The following UNC5C variants were observed in gnomAD, a reference collection of about 807,000 sequenced individuals.
UNC5C encodes unc-5 netrin receptor C.
Under a neutral mutation model 99.8 loss-of-function variants are expected in UNC5C, and 47 were observed. The ratio of observed to expected loss-of-function variants is 0.47; its 90% CI spans 0.37 to 0.60. The LOEUF (loss-of-function observed/expected upper bound fraction) is 0.60, where lower values mean the gene tolerates loss of function less well. UNC5C is among the 20% of genes least tolerant of loss of function. The probability of loss-of-function intolerance (pLI) is 0.00; values close to 1 mark genes in which losing one functional copy is unlikely to be tolerated. For missense variants in UNC5C, 1,062 were observed against 1,165.9 expected (o/e 0.91, Z 1.30); for synonymous variants, 487 against 452.2 (o/e 1.08, Z -0.98).
chr4:95,446,052 G>A (rs925403278), intron 1 of UNC5C, among the ~76,000 whole-genome samples: 2 of 152,102 alleles, frequency 1.3e-5, no homozygotes, highest in Non-Finnish European at 1.5e-5. Flanking sequence ...AAAGTACCTA[G>A]AATAAAGGAA....
chr4:95,288,063 A>ATTATTTATTTATTTATTTAT (rs373317999), intron 3 of UNC5C, among the ~76,000 whole-genome samples: 5,197 of 143,186 alleles, frequency 0.036, 131 homozygotes, highest in Non-Finnish European at 0.04. Flanking sequence ...CACTTTACAG[A>ATTATTTATTTATTTATTTAT]TTATTTATTT....
intron 4 of UNC5C, among the ~76,000 whole-genome samples, chr4:95,274,469 G>A (rs1003572640): frequency 2.6e-5 from 4 of 152,160 alleles, no homozygotes; most frequent in African/African-American, 9.7e-5. Context: ...GAAGGAGCAG[G>A]CAAGTCTAGA....
intron 1 of UNC5C, among the ~76,000 whole-genome samples, chr4:95,488,050 C>T (rs546136203): frequency 6.6e-6 from 1 of 151,782 alleles, no homozygotes; most frequent in African/African-American, 2.4e-5. Flanking sequence ...TTTCACCTTC[C>T]TTTGGTTAAC....
intron 1 of UNC5C, among the ~76,000 whole-genome samples, chr4:95,511,232 G>T (rs1366918330): frequency 6.6e-6 from 1 of 152,040 alleles, no homozygotes; most frequent in Non-Finnish European, 1.5e-5. Flanking sequence ...CACCACAAAG[G>T]AGAGTTTAGC....
chr4:95,539,908 T>A (rs1345411708), intron 1 of UNC5C, among the ~76,000 whole-genome samples: 3 of 149,748 alleles, frequency 2.0e-5, no homozygotes, highest in Non-Finnish European at 4.4e-5. Context: ...CCAAAACTTA[T>A]CCTAGCCATC....
intron 11 of UNC5C, among the ~76,000 whole-genome samples, chr4:95,203,828 C>T (rs1375312405): frequency 6.6e-6 from 1 of 152,096 alleles, no homozygotes; most frequent in African/African-American, 2.4e-5. Context: ...TATGTGAAAG[C>T]AGGATTTTGC....
intron 2 of UNC5C, among the ~76,000 whole-genome samples, chr4:95,315,489 T>G (rs1351275023): frequency 6.6e-6 from 1 of 152,228 alleles, no homozygotes; most frequent in Non-Finnish European, 1.5e-5. Flanking sequence ...GACATTTATG[T>G]AACTGTATAA....
At chr4:95,327,481 G>A (rs1316502926) in intron 2 of UNC5C, among the ~76,000 whole-genome samples, 4 of 151,840 alleles carry the variant, frequency 2.6e-5, no homozygotes, top group Admixed American at 6.6e-5. Flanking sequence ...CTTGTTATAT[G>A]TTTCTCCAGA....
At position 95,476,512 on chromosome 4, in the gene UNC5C, G is replaced by T. The variant is rs185785348; in HGVS notation, c.124+72222C>A. ...TAAAATATAACTTTTTAGAACTGGG[G>T]TGTCCTTTAGTTTTTTTCGGAGAAG... On this transcript the variant is annotated intron_variant, in intron 1 of 15. Transcript: ENST00000453304. Among the ~76,000 whole-genome samples, 371 of 152,126 alleles carry T rather than the reference G, an allele frequency of 2.4e-3. 2 individuals carry two copies. Among genetic ancestry groups the T allele is most frequent in the South Asian group, 0.012 (57 of 4,828 alleles).
intron 1 of UNC5C, among the ~76,000 whole-genome samples, chr4:95,448,260 G>C (rs191868882): frequency 0.012 from 1,733 of 149,962 alleles, 34 homozygotes; most frequent in African/African-American, 0.041. Context: ...GAGAGAGAGA[G>C]AGAAAGCCTG....
At chr4:95,261,105 G>C (rs1333092600) in intron 4 of UNC5C, among the ~76,000 whole-genome samples, 1 of 152,162 alleles carries the variant, frequency 6.6e-6, no homozygotes, top group Non-Finnish European at 1.5e-5. Context: ...CAGTGCTACA[G>C]ACTTCAGCCT....
intron 1 of UNC5C, among the ~76,000 whole-genome samples, chr4:95,457,654 A>C (rs759774414): frequency 2.6e-5 from 4 of 152,116 alleles, no homozygotes; most frequent in African/African-American, 9.7e-5. Context: ...TTAATTCTGA[A>C]TCCTCAGTCA....
chr4:95,537,637 A>G (rs757170201), intron 1 of UNC5C, among the ~76,000 whole-genome samples: 9 of 152,180 alleles, frequency 5.9e-5, no homozygotes, highest in South Asian at 4.1e-4. Flanking sequence ...CAAAAGATGA[A>G]AAAATGTATA....
At position 95,242,472 on chromosome 4, in the gene UNC5C, G is replaced by T. The variant is rs1739359401; in HGVS notation, c.1065C>A (p.Leu355=). Residue 355 remains leucine (L), a synonymous_variant, in exon 7 of 16, where the codon CTC becomes CTA. Transcript: ENST00000453304. The stretch of plus-strand genomic sequence containing the variant: ...CAGTGCAGTTCTTGGATTGCAAGAC[G>T]AGGCCGTCGCAGTCCTTGCCTCCAT... The part of the protein sequence containing the change: ...PKNGGKDCDG[L]VLQSKNCTDG... The T allele has an allele frequency of 1.9e-6, 3 of 1,613,894 alleles. No homozygotes were observed. The highest frequency in any genetic ancestry group is 2.5e-6 in the Non-Finnish European group (3 of 1,179,966).
chr4:95,304,984 T>A (rs556631881), intron 2 of UNC5C, among the ~76,000 whole-genome samples: 27 of 152,302 alleles, frequency 1.8e-4, no homozygotes, highest in African/African-American at 6.0e-4. Context: ...TGAAGCCTTT[T>A]TAAAAGCCAC....
intron 2 of UNC5C, among the ~76,000 whole-genome samples, chr4:95,317,333 C>A (rs2149411212): frequency 6.6e-6 from 1 of 152,274 alleles, no homozygotes; most frequent in Middle Eastern, 3.4e-3. Flanking sequence ...GGGGAAAAAT[C>A]TATTGAATTC....
At position 95,219,029 on chromosome 4, in the gene UNC5C, A is replaced by T; in HGVS notation, c.1585T>A (p.Ser529Thr). 3 of 1,614,156 alleles carry T rather than the reference A, an allele frequency of 1.9e-6. No homozygotes were observed. Among genetic ancestry groups the T allele is most frequent in the Non-Finnish European group, 2.5e-6 (3 of 1,180,024 alleles). Residue 529 changes from serine to threonine, a missense_variant, in exon 9 of 16, where the codon TCC (serine) becomes ACC (threonine). Ser to Thr is a moderately conservative substitution (Grantham distance 58). Coordinates refer to ENST00000453304, the MANE Select transcript of UNC5C (RefSeq NM_003728.4). ...TTGAAGCTGCCAAATGCGGTACAGG[A>T]TGGATCAGTCTGCCTTGCTAGACTC... Reference protein sequence around the residue: ...NQSLARQTDPSCTAFGSFNSL... With the variant: ...NQSLARQTDPTCTAFGSFNSL...
At chr4:95,292,944 A>ATGGTTAAC (rs1741533143) in intron 3 of UNC5C, among the ~76,000 whole-genome samples, 1 of 152,228 alleles carries the variant, frequency 6.6e-6, no homozygotes, top group African/African-American at 2.4e-5. Context: ...GGTATGGCAG[A>ATGGTTAAC]TGGTTAACTC....
chr4:95,220,879 G>T (rs879878190), intron 7 of UNC5C, among the ~76,000 whole-genome samples: 3 of 152,164 alleles, frequency 2.0e-5, no homozygotes, highest in Admixed American at 1.3e-4. Context: ...ACGGTCCCCT[G>T]TCAGAGATTT....
Sources: gnomAD v4.1 joint callset for allele counts (sites outside exome capture counted in the v4.1 genomes callset) on GRCh38, gnomAD v4.1.1 for gene constraint, MANE v1.5 for transcripts, NCBI Gene and HGNC (gene_info 2026-07-23, HGNC 2026-07-21) for gene names.